The following SLC9A9 variants were observed in gnomAD, a reference collection of about 807,000 sequenced individuals.
SLC9A9 encodes the protein sodium/hydrogen exchanger 9.
In SLC9A9, 62 loss-of-function variants were observed where a neutral mutation model predicts 77.8. The observed-to-expected ratio is 0.80, with a 90% CI of 0.65 to 0.98. SLC9A9 has a LOEUF of 0.98. SLC9A9 is among the 50% of genes least tolerant of loss of function. The pLI is 0.00. For synonymous variants in SLC9A9, 320 were observed against 283.5 expected, an observed-to-expected ratio of 1.13 and a Z score of -1.29; for missense variants, 775 against 774.9, an observed-to-expected ratio of 1.00 and a Z score of 0.00.
intron 2 of SLC9A9, among the ~76,000 whole-genome samples, chr3:143,797,118 A>G (rs895695065): frequency 6.6e-6 from 1 of 151,162 alleles, no homozygotes; most frequent in Non-Finnish European, 1.5e-5. Flanking sequence ...ACATACTTCC[A>G]CACTATAGCT....
chr3:143,296,174 T>C (rs2030260018), intron 14 of SLC9A9, among the ~76,000 whole-genome samples: 1 of 152,258 alleles, frequency 6.6e-6, no homozygotes, highest in Non-Finnish European at 1.5e-5. Flanking sequence ...TCCTAGATAC[T>C]ATTCATCTTG....
chr3:143,490,696 A>T (rs1380489633), intron 11 of SLC9A9, among the ~76,000 whole-genome samples: 1 of 152,138 alleles, frequency 6.6e-6, no homozygotes, highest in African/African-American at 2.4e-5. Flanking sequence ...CAATAAAAAA[A>T]TGAAAAAAAA....
At chr3:143,668,773 T>G (rs982093756) in intron 5 of SLC9A9, among the ~76,000 whole-genome samples, 2 of 152,220 alleles carry the variant, frequency 1.3e-5, no homozygotes, top group African/African-American at 4.8e-5. Context: ...CCTTTTCTCC[T>G]GTATTCTGCC....
intron 4 of SLC9A9, among the ~76,000 whole-genome samples, chr3:143,794,516 A>G (rs918761271): frequency 6.6e-6 from 1 of 152,200 alleles, no homozygotes; most frequent in African/African-American, 2.4e-5. Context: ...CAGGGTATTA[A>G]CTGAAAAGCT....
At chr3:143,410,780 T>C (rs1278596835) in intron 12 of SLC9A9, among the ~76,000 whole-genome samples, 1 of 152,214 alleles carries the variant, frequency 6.6e-6, no homozygotes, top group Non-Finnish European at 1.5e-5. Context: ...TATTTAAGAC[T>C]GCATATTTCC....
At chr3:143,561,106 G>A (rs1576577877) in intron 8 of SLC9A9, among the ~76,000 whole-genome samples, 1 of 152,130 alleles carries the variant, frequency 6.6e-6, no homozygotes, top group Non-Finnish European at 1.5e-5. Flanking sequence ...GTTTGAACCC[G>A]GGAGGTGCAA....
chr3:143,822,756 T>C (rs2361200), intron 2 of SLC9A9, among the ~76,000 whole-genome samples: 32,643 of 152,210 alleles, frequency 0.21, 3,790 homozygotes, highest in South Asian at 0.36. Flanking sequence ...AATTGAAAGA[T>C]CCATTGTAAA....
At chr3:143,415,049 C>T (rs1354724356) in intron 12 of SLC9A9, among the ~76,000 whole-genome samples, 1 of 152,234 alleles carries the variant, frequency 6.6e-6, no homozygotes, top group African/African-American at 2.4e-5. Flanking sequence ...AACAGCCACA[C>T]TATTCCCTTG....
chr3:143,448,205 G>C (rs1239835526), intron 12 of SLC9A9, among the ~76,000 whole-genome samples: 2 of 152,098 alleles, frequency 1.3e-5, no homozygotes, highest in Non-Finnish European at 2.9e-5. Flanking sequence ...ATGAATGTTT[G>C]CTAGATCCTG....
intron 12 of SLC9A9, among the ~76,000 whole-genome samples, chr3:143,456,443 T>G (rs2035093395): frequency 6.6e-6 from 1 of 152,230 alleles, no homozygotes; most frequent in Non-Finnish European, 1.5e-5. Context: ...CTGCTTCTGT[T>G]TCTTGGAAAA....
At chr3:143,426,503 T>C (rs1254864770) in intron 12 of SLC9A9, among the ~76,000 whole-genome samples, 1 of 152,208 alleles carries the variant, frequency 6.6e-6, no homozygotes, top group Non-Finnish European at 1.5e-5. Context: ...TTCTGGAAAA[T>C]GTAGTAGCAA....
chr3:143,349,761 G>A (rs943182724), intron 14 of SLC9A9, among the ~76,000 whole-genome samples: 1 of 152,192 alleles, frequency 6.6e-6, no homozygotes, highest in Non-Finnish European at 1.5e-5. Flanking sequence ...CAGTTAACCT[G>A]GCGGTTAACT....
intron 12 of SLC9A9, among the ~76,000 whole-genome samples, chr3:143,438,576 A>T (rs2034668590): frequency 6.6e-6 from 1 of 152,186 alleles, no homozygotes; most frequent in South Asian, 2.1e-4. Flanking sequence ...AGGTTTTTAA[A>T]AACACAGATG....
intron 8 of SLC9A9, among the ~76,000 whole-genome samples, chr3:143,561,643 A>G (rs2037087389): frequency 6.6e-6 from 1 of 152,172 alleles, no homozygotes; most frequent in Non-Finnish European, 1.5e-5. Context: ...GCTTCACCCT[A>G]CTGAGACTTA....
chr3:143,395,604 TAATTA>T lies in SLC9A9; in HGVS notation c.1470-13495_1470-13491del, dbSNP rs1279823908. ...AAAGCCAAAATAGACAAATGGGATC[TAATTA>T]AATTAAAGAGCTTCTGCACAGCAAA... is the stretch of plus-strand genomic sequence containing the variant. On this transcript the variant is annotated intron_variant, in intron 12 of 15. Coordinates refer to ENST00000316549, the MANE Select transcript of SLC9A9 (RefSeq NM_173653.4). Among the ~76,000 whole-genome samples, 5 of 152,208 alleles carry T rather than the reference TAATTA, an allele frequency of 3.3e-5. No homozygotes were observed. In the East Asian group the frequency reaches 7.7e-4, roughly 23 times the overall value.
intron 12 of SLC9A9, among the ~76,000 whole-genome samples, chr3:143,386,935 G>C (rs949897885): frequency 6.6e-6 from 1 of 152,192 alleles, no homozygotes; most frequent in Non-Finnish European, 1.5e-5. Context: ...CCACCTCCTG[G>C]GTTCAAGTGA....
intron 14 of SLC9A9, among the ~76,000 whole-genome samples, chr3:143,332,546 C>T (rs559384268): frequency 9.5e-4 from 144 of 152,320 alleles, no homozygotes; most frequent in African/African-American, 3.3e-3. Context: ...CATTGGTTCT[C>T]AACCTGATGG....
At chr3:143,835,970 C>A (rs530432251) in intron 1 of SLC9A9, among the ~76,000 whole-genome samples, 20 of 152,332 alleles carry the variant, frequency 1.3e-4, no homozygotes, top group Middle Eastern at 3.4e-3. Flanking sequence ...CTAGATGTAT[C>A]CCCTGCTTCT....
chr3:143,760,060 G>A (rs1307814800), intron 4 of SLC9A9, among the ~76,000 whole-genome samples: 1 of 151,936 alleles, frequency 6.6e-6, no homozygotes, highest in Non-Finnish European at 1.5e-5. Flanking sequence ...TCCCCAAATA[G>A]TTTACTATCT....
Sources: allele counts gnomAD v4.1 joint callset (sites outside exome capture counted in the v4.1 genomes callset), GRCh38; gene constraint gnomAD v4.1.1; transcripts MANE v1.5; gene names NCBI Gene and HGNC (gene_info 2026-07-23, HGNC 2026-07-21).